SLC35E4: variants seen among roughly 807,000 people sequenced by gnomAD.
SLC35E4 encodes the protein solute carrier family 35, member E4.
A neutral mutation model predicts 19.3 loss-of-function variants in SLC35E4; 15 were observed. That is an observed-to-expected ratio of 0.78 (90% confidence interval 0.52 to 1.20). SLC35E4 has a LOEUF of 1.20. Ranked by LOEUF, SLC35E4 falls within the 50% of genes most tolerant of loss-of-function variation. The pLI, the probability that SLC35E4 is intolerant of heterozygous loss-of-function variation, is 0.00. For synonymous variants in SLC35E4, 219 were observed against 219.9 expected, an observed-to-expected ratio of 1.00 and a Z score of 0.04; for missense variants, 406 against 472.3, an observed-to-expected ratio of 0.86 and a Z score of 1.30.
chr22:30,637,216 G>T, intron 1 of SLC35E4, 147 bp downstream of exon 1: 2 of 1,247,028 alleles, frequency 1.6e-6, no homozygotes, highest in East Asian at 2.5e-5. Flanking sequence ...CTGAGGCTCA[G>T]AGAGGGCCAA....
In SLC35E4 at chr22:30,655,070, T is replaced by C. The variant is rs538686950; in HGVS notation, c.*8+5817T>C. Among the ~76,000 whole-genome samples, 56 of 152,220 alleles carry C rather than the reference T, an allele frequency of 3.7e-4. 1 individual carries two copies. In the South Asian group the frequency reaches 0.012, roughly 32 times the overall value. On this transcript the variant is annotated intron_variant, in intron 2 of 2. Transcript: ENST00000406566. Reference sequence around the variant, plus strand: ...TAATTCCTGGGGTTCTGCTATTCTCTGCTCCCTACACTGCTATGAAGAACA... The same window carrying C: ...TAATTCCTGGGGTTCTGCTATTCTCCGCTCCCTACACTGCTATGAAGAACA...
intron 2 of SLC35E4, among the ~76,000 whole-genome samples, chr22:30,659,189 G>A (rs913311352): frequency 6.7e-6 from 1 of 149,868 alleles, no homozygotes; most frequent in Non-Finnish European, 1.5e-5. Context: ...GCCCACAGGA[G>A]ACAGATGAGG....
chr22:30,649,981 C>T (rs2088183293), downstream of SLC35E4, among the ~76,000 whole-genome samples: 1 of 149,454 alleles, frequency 6.7e-6, no homozygotes, highest in Non-Finnish European at 1.5e-5. Flanking sequence ...ACAGCCAAAG[C>T]CATGCCTATC....
chr22:30,662,496 T>G (rs547276503), exon 3 of SLC35E4: 1 of 152,290 alleles, frequency 6.6e-6, no homozygotes, highest in South Asian at 2.1e-4. Context: ...CAAGAGCTCT[T>G]TGAAACTTTG....
intron 1 of SLC35E4, among the ~76,000 whole-genome samples, chr22:30,646,054 C>T (rs547972764): frequency 7.2e-4 from 109 of 150,832 alleles, no homozygotes; most frequent in Non-Finnish European, 1.3e-3. Flanking sequence ...TGGGCTCAAG[C>T]GATCCGCCCT....
chr22:30,647,189 G>C lies in SLC35E4; in HGVS notation c.*158G>C. ...GAGGTGGGTGGATCACCTGAGGCCA[G>C]GAGTTCGAGACCAGCCTGGCTAACA... is the stretch of plus-strand genomic sequence containing the variant. On this transcript the variant is annotated 3_prime_UTR_variant, in exon 2 of 2. Transcript: ENST00000343605. 1 of 881,684 alleles carries C rather than the reference G, an allele frequency of 1.1e-6. No homozygotes were observed. The highest frequency in any genetic ancestry group is 1.7e-6 in the Non-Finnish European group (1 of 598,370). 54.6% of individuals were successfully genotyped at this position (881,684 alleles called of 1,614,324 possible). A position where few individuals can be genotyped will look rare whatever the true frequency, so the allele number is the denominator to read the frequency against.
downstream of SLC35E4, among the ~76,000 whole-genome samples, chr22:30,651,395 GTGTGTATA>G (rs1423767963): frequency 6.6e-3 from 356 of 53,940 alleles, 10 homozygotes; most frequent in African/African-American, 0.041. Flanking sequence ...GTGTGTGTGT[GTGTGTATA>G]TATATATATA....
At chr22:30,653,626 G>A (rs899853265) in intron 2 of SLC35E4, among the ~76,000 whole-genome samples, 1 of 150,928 alleles carries the variant, frequency 6.6e-6, no homozygotes, top group Non-Finnish European at 1.5e-5. Context: ...GCCCCCCCTC[G>A]GCCTCCCAAA....
chr22:30,640,479 C>G (rs976538853), intron 1 of SLC35E4, among the ~76,000 whole-genome samples: 8 of 152,160 alleles, frequency 5.3e-5, no homozygotes, highest in Non-Finnish European at 7.3e-5. Context: ...GATGCTGGCT[C>G]TGATGAAAGA....
chr22:30,668,210 C>G (rs527625760), downstream of SLC35E4: 8 of 154,450 alleles, frequency 5.2e-5, no homozygotes, highest in East Asian at 3.9e-4. Flanking sequence ...TCGAACCACC[C>G]TCTCGATAGG....
At chr22:30,663,155 G>T (rs370093997) in exon 3 of SLC35E4, 91 of 358,796 alleles carry the variant, frequency 2.5e-4, no homozygotes, top group African/African-American at 1.8e-3. Context: ...ATGTGCAATG[G>T]GTGCTGCCCT....
downstream of SLC35E4, chr22:30,663,628 A>G: frequency 6.2e-7 from 1 of 1,614,210 alleles, no homozygotes; most frequent in South Asian, 1.1e-5. Flanking sequence ...TCCAGCAGGG[A>G]CATGGCGTGG....
chr22:30,659,081 G>A (rs374572579), intron 2 of SLC35E4, among the ~76,000 whole-genome samples: 8 of 145,562 alleles, frequency 5.5e-5, no homozygotes, highest in African/African-American at 1.5e-4. Context: ...CTGGGATTGC[G>A]CCATTGCACT....
In SLC35E4 at chr22:30,636,610, C is replaced by G; in HGVS notation, c.160C>G (p.Leu54Val). 6.2e-7 allele frequency: 1 copy of G among 1,608,116 alleles called. No individual in the cohort carries two copies. Among genetic ancestry groups the G allele is most frequent in the Non-Finnish European group, 8.5e-7 (1 of 1,177,774 alleles). Reference protein sequence around the residue: ...PGRARVAMAALVWLLAGASMS... With the variant: ...PGRARVAMAAVVWLLAGASMS... ...CCGGGCCCGAGTGGCCATGGCAGCA[C>G]TGGTGTGGCTGCTGGCGGGAGCCAG... The change falls in exon 1 of 2, where the codon CTG (leucine) becomes GTG (valine). Residue 54 changes from leucine to valine, a missense_variant. Physicochemically the swap from Leu to Val is conservative, Grantham distance 32 (BLOSUM62 1). Transcript: ENST00000343605.
chr22:30,664,040 A>G (rs763887554), downstream of SLC35E4: 2 of 1,569,670 alleles, frequency 1.3e-6, no homozygotes, highest in Non-Finnish European at 1.7e-6. Context: ...TCAGCGAAGC[A>G]CGAAGGCTGC....
At chr22:30,639,091 C>T (rs1284602902) in intron 1 of SLC35E4, among the ~76,000 whole-genome samples, 1 of 152,174 alleles carries the variant, frequency 6.6e-6, no homozygotes, top group African/African-American at 2.4e-5. Context: ...TGATATTTCA[C>T]GTAGGTTCTT....
At chr22:30,656,014 T>TG (rs1211873439) in intron 2 of SLC35E4, among the ~76,000 whole-genome samples, 1 of 151,932 alleles carries the variant, frequency 6.6e-6, no homozygotes, top group Non-Finnish European at 1.5e-5. Context: ...ACTCTGTTGC[T>TG]GAGGACGCAG....
At chr22:30,657,909 TAA>T (rs2088376028) in intron 2 of SLC35E4, among the ~76,000 whole-genome samples, 1 of 14,196 alleles carries the variant, frequency 7.0e-5, no homozygotes, top group Non-Finnish European at 1.4e-4. Flanking sequence ...GTCTCAAAAA[TAA>T]TAATAATAAT....
downstream of SLC35E4, among the ~76,000 whole-genome samples, chr22:30,666,609 G>T (rs5997731): frequency 0.5 from 61,446 of 122,360 alleles, 16,676 homozygotes; most frequent in South Asian, 0.66. Context: ...GAGACAGCGT[G>T]AGACTCCATC....
Sources: allele counts gnomAD v4.1 joint callset (sites outside exome capture counted in the v4.1 genomes callset), GRCh38; gene constraint gnomAD v4.1.1; transcripts MANE v1.5; gene names NCBI Gene and HGNC (gene_info 2026-07-23, HGNC 2026-07-21).